Variants in PPP2R2C observed in about 807,000 individuals in gnomAD.
The protein encoded by PPP2R2C is protein phosphatase 2, regulatory subunit B, gamma.
In PPP2R2C, 10 loss-of-function variants were observed where a neutral mutation model predicts 45.3. The observed-to-expected ratio is 0.22, with a 90% CI of 0.14 to 0.37. The LOEUF is 0.37. Among genes scored for constraint, PPP2R2C ranks in the 10% least tolerant of loss-of-function variants. The pLI is 1.00. For missense variants in PPP2R2C, 308 were observed against 619.7 expected (o/e 0.50, Z 5.34); for synonymous variants, 257 against 245.4 (o/e 1.05, Z -0.44).
intron 1 of PPP2R2C, among the ~76,000 whole-genome samples, chr4:6,535,883 C>T (rs1461160042): frequency 6.6e-6 from 1 of 152,232 alleles, no homozygotes; most frequent in African/African-American, 2.4e-5. Flanking sequence ...CACTGTGGCT[C>T]AGCTGAACTG....
At position 6,365,517 on chromosome 4, in the gene PPP2R2C, G is replaced by A. The variant is rs558642087; in HGVS notation, c.625+7006C>T. 2.6e-5 allele frequency among the ~76,000 whole-genome samples: 4 copies of A among 152,322 alleles called. No homozygotes were observed. The East Asian group carries it at 5.8e-4, about 22-fold the overall frequency. On this transcript the variant is annotated intron_variant, in intron 5 of 8. Transcript: ENST00000382599. ...AGACACACTCCCATGGGATAAAGGG[G>A]GTGCAGAAAGACTGAGTGACTGATC...
rs868483948 is a variant in PPP2R2C at position 6,554,887 on chromosome 4, A to G, written c.-59+8673T>C. Among the ~76,000 whole-genome samples the G allele has an allele frequency of 3.1e-3, 332 of 106,022 alleles. 1 individual carries two copies. Among genetic ancestry groups the G allele is most frequent in the East Asian group, 4.8e-3 (17 of 3,556 alleles). 69.6% of individuals were successfully genotyped at this position (106,022 alleles called of 152,430 possible). A position where few individuals can be genotyped will look rare whatever the true frequency, so the allele number is the denominator to read the frequency against. ...AAAAAAAAAAAAGAAAAAGAAAAAGAAAGGAAGGAAGGAAGGAAGGAAGGA... is the reference window on the plus strand; with the variant it reads ...AAAAAAAAAAAAGAAAAAGAAAAAGGAAGGAAGGAAGGAAGGAAGGAAGGA... On this transcript the variant is annotated intron_variant, in intron 1 of 9. Transcript: ENST00000506140.
At chr4:6,547,696 G>C (rs1725035880) in intron 1 of PPP2R2C, among the ~76,000 whole-genome samples, 1 of 152,086 alleles carries the variant, frequency 6.6e-6, no homozygotes, top group South Asian at 2.1e-4. Context: ...GTCTGCAATG[G>C]GCCTGGGGCA....
intron 1 of PPP2R2C, chr4:6,382,299 T>C (rs764247503): frequency 1.6e-6 from 2 of 1,279,132 alleles, no homozygotes; most frequent in South Asian, 1.3e-5. Flanking sequence ...CTGGATTCTG[T>C]AGTCTCCAAA....
chr4:6,505,163 A>G (rs111620619), intron 2 of PPP2R2C, among the ~76,000 whole-genome samples: 1,414 of 84,206 alleles, frequency 0.017, 25 homozygotes, highest in African/African-American at 0.038. Flanking sequence ...AAGTGCTTGG[A>G]AAAAAAAAAG....
intron 1 of PPP2R2C, among the ~76,000 whole-genome samples, chr4:6,426,387 G>A (rs1346878436): frequency 6.6e-6 from 1 of 152,202 alleles, no homozygotes; most frequent in Non-Finnish European, 1.5e-5. Context: ...GCAGCCTACT[G>A]TGTGCTGGCT....
chr4:6,341,355 A>AG (rs992938828), intron 6 of PPP2R2C, among the ~76,000 whole-genome samples: 1 of 151,756 alleles, frequency 6.6e-6, no homozygotes, highest in Non-Finnish European at 1.5e-5. Context: ...AAAAAAAAAA[A>AG]AAACCCAGCT....
intron 5 of PPP2R2C, among the ~76,000 whole-genome samples, chr4:6,352,577 C>G (rs752562139): frequency 2.6e-5 from 4 of 152,222 alleles, no homozygotes; most frequent in Non-Finnish European, 5.9e-5. Context: ...CAATCACACT[C>G]TAGCATCTAA....
intron 1 of PPP2R2C, among the ~76,000 whole-genome samples, chr4:6,435,606 CT>C (rs1560545668): frequency 6.6e-6 from 1 of 152,190 alleles, no homozygotes; most frequent in Non-Finnish European, 1.5e-5. Context: ...GTGATGAGTT[CT>C]TCCTGAACCA....
chr4:6,372,174 A>G (rs1442785949), intron 5 of PPP2R2C, among the ~76,000 whole-genome samples: 1 of 152,210 alleles, frequency 6.6e-6, no homozygotes, highest in South Asian at 2.1e-4. Flanking sequence ...AGGCGCCTTC[A>G]GTGGACGCTG....
intron 1 of PPP2R2C, among the ~76,000 whole-genome samples, chr4:6,430,744 G>T (rs1719567558): frequency 6.6e-6 from 1 of 152,060 alleles, no homozygotes; most frequent in Admixed American, 6.6e-5. Flanking sequence ...GGCCAACATG[G>T]TGAAACACCG....
At chr4:6,384,030 A>G in intron 1 of PPP2R2C, 1 of 985,540 alleles carries the variant, frequency 1.0e-6, no homozygotes, top group Non-Finnish European at 1.2e-6. Context: ...ACTTAAAAAG[A>G]CAAGATAAGA....
At chr4:6,538,707 C>T (rs1356813735) in intron 1 of PPP2R2C, among the ~76,000 whole-genome samples, 1 of 152,232 alleles carries the variant, frequency 6.6e-6, no homozygotes, top group South Asian at 2.1e-4. Context: ...CCACGTGCTA[C>T]GTTCACGAAA....
chr4:6,546,797 A>G (rs1725000877), intron 1 of PPP2R2C, among the ~76,000 whole-genome samples: 1 of 152,188 alleles, frequency 6.6e-6, no homozygotes, highest in African/African-American at 2.4e-5. Flanking sequence ...ACAGACTTAA[A>G]TCATGGCGCC....
At chr4:6,465,042 A>T (rs1030364338) in intron 1 of PPP2R2C, among the ~76,000 whole-genome samples, 1 of 152,194 alleles carries the variant, frequency 6.6e-6, no homozygotes, top group Non-Finnish European at 1.5e-5. Context: ...ATGGTTGTCA[A>T]TACGTGTACT....
At chr4:6,441,359 T>C (rs546958719) in intron 1 of PPP2R2C, among the ~76,000 whole-genome samples, 35 of 152,030 alleles carry the variant, frequency 2.3e-4, no homozygotes, top group Non-Finnish European at 5.0e-4. Context: ...CTTAAAGCCC[T>C]TCCTGGCCCC....
At chr4:6,389,299 C>T (rs545398340) in intron 1 of PPP2R2C, among the ~76,000 whole-genome samples, 16 of 152,340 alleles carry the variant, frequency 1.1e-4, no homozygotes, top group African/African-American at 3.6e-4. Flanking sequence ...CTCCCCAGCA[C>T]GTCGGGGGAC....
chr4:6,372,459 C>A, intron 5 of PPP2R2C, 64 bp downstream of exon 5: 1 of 1,548,374 alleles, frequency 6.5e-7, no homozygotes. Flanking sequence ...TCAAACCAAA[C>A]CCACCACCCA....
At chr4:6,530,335 C>T (rs1724353128) in intron 2 of PPP2R2C, among the ~76,000 whole-genome samples, 1 of 152,124 alleles carries the variant, frequency 6.6e-6, no homozygotes, top group Non-Finnish European at 1.5e-5. Flanking sequence ...TCCATGCACG[C>T]GACGTATGTA....
Sources: allele counts gnomAD v4.1 joint callset (sites outside exome capture counted in the v4.1 genomes callset), GRCh38; gene constraint gnomAD v4.1.1; transcripts MANE v1.5; gene names NCBI Gene and HGNC (gene_info 2026-07-23, HGNC 2026-07-21).